The following PALM2AKAP2 variants were observed in gnomAD, a reference collection of about 807,000 sequenced individuals.
The protein encoded by PALM2AKAP2 is PALM2-AKAP2 fusion protein.
A neutral mutation model predicts 71.5 loss-of-function variants in PALM2AKAP2; 37 were observed. The observed-to-expected ratio is 0.52, with a 90% confidence interval of 0.40 to 0.68. PALM2AKAP2 has a LOEUF of 0.68. PALM2AKAP2 is among the 30% of genes least tolerant of loss of function. The pLI is 0.00. For missense variants in PALM2AKAP2, 1,224 were observed against 1,191.8 expected (o/e 1.03, Z -0.40); for synonymous variants, 468 against 478.8 (o/e 0.98, Z 0.29).
chr9:109,757,247 C>T (rs891689610), intron 1 of PALM2AKAP2, among the ~76,000 whole-genome samples: 4 of 152,108 alleles, frequency 2.6e-5, no homozygotes, highest in African/African-American at 9.7e-5. Context: ...GATAATTTTA[C>T]TTAACATAAT....
intron 1 of PALM2AKAP2, among the ~76,000 whole-genome samples, chr9:109,726,776 A>G (rs1564126653): frequency 6.6e-6 from 1 of 152,382 alleles, no homozygotes; most frequent in East Asian, 1.9e-4. Context: ...GTCAAATACA[A>G]TAGCTACTAG....
At chr9:109,695,184 T>A (rs1408665704) in intron 1 of PALM2AKAP2, among the ~76,000 whole-genome samples, 1 of 152,196 alleles carries the variant, frequency 6.6e-6, no homozygotes, top group Non-Finnish European at 1.5e-5. Context: ...TATTAAAATG[T>A]TTTAAATTGT....
At chr9:110,031,321 G>C (rs908009154) in intron 7 of PALM2AKAP2, among the ~76,000 whole-genome samples, 1 of 152,000 alleles carries the variant, frequency 6.6e-6, no homozygotes, top group Admixed American at 6.6e-5. Context: ...GTAGAGACAG[G>C]GTTTCACCAT....
At chr9:110,136,094 T>G (rs964729781) in intron 1 of PALM2AKAP2, 33 bp from the exon 8 acceptor site, 5 of 1,533,120 alleles carry the variant, frequency 3.3e-6, no homozygotes, top group Admixed American at 4.3e-5. Flanking sequence ...GATGCAGTAT[T>G]TAACCCTGAC....
intron 1 of PALM2AKAP2, among the ~76,000 whole-genome samples, chr9:110,109,645 C>T (rs772657455): frequency 2.0e-5 from 3 of 152,130 alleles, no homozygotes; most frequent in African/African-American, 4.8e-5. Context: ...GCGGTATGGG[C>T]AGTCACCAGG....
At chr9:110,005,883 T>C (rs577050092) in intron 6 of PALM2AKAP2, among the ~76,000 whole-genome samples, 1 of 152,196 alleles carries the variant, frequency 6.6e-6, no homozygotes, top group Admixed American at 6.5e-5. Context: ...AAAAGTGCAG[T>C]ATTAGGGTGG....
intron 1 of PALM2AKAP2, among the ~76,000 whole-genome samples, chr9:109,660,385 C>T (rs1210892211): frequency 3.3e-5 from 5 of 152,030 alleles, no homozygotes; most frequent in Non-Finnish European, 7.4e-5. Flanking sequence ...TGTGATATTC[C>T]CCACCCAGTG....
chr9:109,876,073 A>G (rs1829714309), intron 2 of PALM2AKAP2, among the ~76,000 whole-genome samples: 1 of 152,190 alleles, frequency 6.6e-6, no homozygotes, highest in Non-Finnish European at 1.5e-5. Context: ...CTATGATACT[A>G]TGTTAGCTAT....
intron 1 of PALM2AKAP2, among the ~76,000 whole-genome samples, chr9:109,865,567 A>G (rs1052857189): frequency 6.6e-6 from 1 of 152,164 alleles, no homozygotes; most frequent in African/African-American, 2.4e-5. Flanking sequence ...CAATATGATG[A>G]TGGGCAACTC....
chr9:109,739,942 A>G (rs1368287111), intron 1 of PALM2AKAP2, among the ~76,000 whole-genome samples: 1 of 152,198 alleles, frequency 6.6e-6, no homozygotes, highest in East Asian at 1.9e-4. Flanking sequence ...GGTCTTGTCA[A>G]AGCTGGCCAC....
chr9:109,889,266 C>T (rs937726806), intron 3 of PALM2AKAP2, among the ~76,000 whole-genome samples: 5 of 152,162 alleles, frequency 3.3e-5, no homozygotes, highest in Non-Finnish European at 7.3e-5. Flanking sequence ...AATTTTATGA[C>T]AGTTCATAAA....
At chr9:110,158,002 G>A (rs1457145595) in intron 3 of PALM2AKAP2, among the ~76,000 whole-genome samples, 1 of 152,202 alleles carries the variant, frequency 6.6e-6, no homozygotes, top group Non-Finnish European at 1.5e-5. Flanking sequence ...CTCAGCTGCT[G>A]TATTAGGCTG....
chr9:109,919,651 A>G (rs539020059), intron 3 of PALM2AKAP2, among the ~76,000 whole-genome samples: 54 of 152,032 alleles, frequency 3.6e-4, no homozygotes, highest in African/African-American at 1.3e-3. Context: ...ATATAAATAT[A>G]TGTGTATATA....
intron 1 of PALM2AKAP2, among the ~76,000 whole-genome samples, chr9:110,103,913 C>A (rs796620227): frequency 1.1e-4 from 17 of 152,338 alleles, no homozygotes; most frequent in African/African-American, 3.8e-4. Context: ...CTTGTTCAGA[C>A]TTCTCTTTTG....
chr9:109,990,059 CTTTCTTTCTTTTTTTT>C, intron 6 of PALM2AKAP2, among the ~76,000 whole-genome samples: 1 of 138,356 alleles, frequency 7.2e-6, no homozygotes, highest in Non-Finnish European at 1.6e-5. Flanking sequence ...TTTCTTTTTT[CTTTCTTTCTTTTTTTT>C]TTTTTTTTTC....
chr9:109,928,675 CTTT>C (rs35829270), intron 5 of PALM2AKAP2, among the ~76,000 whole-genome samples: 6 of 143,092 alleles, frequency 4.2e-5, no homozygotes, highest in Admixed American at 7.0e-5. Context: ...CTCTCGCTCT[CTTT>C]TTTTTTTTTT....
At chr9:109,738,318 C>T (rs1828667649) in intron 1 of PALM2AKAP2, among the ~76,000 whole-genome samples, 1 of 152,114 alleles carries the variant, frequency 6.6e-6, no homozygotes, top group Admixed American at 6.5e-5. Context: ...ACAGCTGCCA[C>T]CAGGGGCTTA....
chr9:110,110,031 G>C (rs766296559), intron 1 of PALM2AKAP2, among the ~76,000 whole-genome samples: 1 of 152,088 alleles, frequency 6.6e-6, no homozygotes. Context: ...GTACAACATG[G>C]TGACTATAGT....
At chr9:110,025,197 G>C in intron 7 of PALM2AKAP2, 1 of 1,334,426 alleles carries the variant, frequency 7.5e-7, no homozygotes, top group Non-Finnish European at 1.1e-6. Flanking sequence ...GGTAACACTT[G>C]TGGGGCATTC....
Sources: allele counts gnomAD v4.1 joint callset (sites outside exome capture counted in the v4.1 genomes callset), GRCh38; gene constraint gnomAD v4.1.1; transcripts MANE v1.5; gene names NCBI Gene and HGNC (gene_info 2026-07-23, HGNC 2026-07-21).